Variants in PDZRN3 observed in about 807,000 individuals in gnomAD.
The protein encoded by PDZRN3 is PDZ domain containing ring finger 3.
Under a neutral mutation model 85.7 loss-of-function variants are expected in PDZRN3, and 38 were observed. That is an observed-to-expected ratio of 0.44 (90% CI 0.34 to 0.58). The LOEUF is 0.58. Ranked by LOEUF, PDZRN3 falls within the 20% of genes least tolerant of loss-of-function variation. The probability of loss-of-function intolerance (pLI) is 0.01; values close to 1 mark genes in which losing one functional copy is unlikely to be tolerated. For missense variants in PDZRN3, 1,629 were observed against 1,506.4 expected, an observed-to-expected ratio of 1.08 and a Z score of -1.35; for synonymous variants, 759 against 638.0, an observed-to-expected ratio of 1.19 and a Z score of -2.86.
At chr3:73,452,380 A>T (rs1274990846) in intron 3 of PDZRN3, among the ~76,000 whole-genome samples, 1 of 152,222 alleles carries the variant, frequency 6.6e-6, no homozygotes, top group Non-Finnish European at 1.5e-5. Flanking sequence ...ATTATTTGTT[A>T]TCTTCTCCAA....
chr3:73,520,126 G>A (rs529094753), intron 3 of PDZRN3, among the ~76,000 whole-genome samples: 4 of 152,256 alleles, frequency 2.6e-5, no homozygotes, highest in African/African-American at 9.6e-5. Flanking sequence ...CTGGCACTCT[G>A]CTTAGAGAAG....
At chr3:73,403,447 T>C (rs1181107076) in intron 4 of PDZRN3, among the ~76,000 whole-genome samples, 1 of 152,210 alleles carries the variant, frequency 6.6e-6, no homozygotes, top group Non-Finnish European at 1.5e-5. Context: ...AATCCTTCAA[T>C]GATAAGAGAT....
intron 3 of PDZRN3, among the ~76,000 whole-genome samples, chr3:73,537,330 C>A (rs1260214643): frequency 6.6e-6 from 1 of 152,178 alleles, no homozygotes; most frequent in Non-Finnish European, 1.5e-5. Context: ...CTGTATTTGG[C>A]CCTTGACTTG....
At chr3:73,548,162 G>A (rs900089515) in intron 3 of PDZRN3, among the ~76,000 whole-genome samples, 1 of 152,086 alleles carries the variant, frequency 6.6e-6, no homozygotes, top group Non-Finnish European at 1.5e-5. Context: ...CTTCCTCTAT[G>A]GGGCTTTGAT....
intron 3 of PDZRN3, among the ~76,000 whole-genome samples, chr3:73,568,022 G>A (rs748029029): frequency 3.3e-5 from 5 of 152,232 alleles, no homozygotes; most frequent in Non-Finnish European, 5.9e-5. Context: ...GGGAAAAGCA[G>A]TTTAACCTCC....
intron 3 of PDZRN3, among the ~76,000 whole-genome samples, chr3:73,428,222 G>C (rs1702357143): frequency 6.6e-6 from 1 of 151,984 alleles, no homozygotes; most frequent in Admixed American, 6.6e-5. Context: ...TGAGCAAGTG[G>C]GTGAGCACCT....
At chr3:73,539,633 C>A (rs899088147) in intron 3 of PDZRN3, among the ~76,000 whole-genome samples, 2 of 152,090 alleles carry the variant, frequency 1.3e-5, no homozygotes, top group Non-Finnish European at 2.9e-5. Flanking sequence ...CCAGCACCAA[C>A]TGCAAGATGA....
rs535216256 is a variant in PDZRN3, at chr3:73,555,454, T to C, written c.918+46900A>G. 4.5e-4 allele frequency among the ~76,000 whole-genome samples: 68 copies of C among 152,330 alleles called. No homozygotes were observed. The South Asian group carries it at 0.014, about 31-fold the overall frequency. On this transcript the variant is annotated intron_variant, in intron 3 of 9. Transcript: ENST00000263666. ...AGAGATTCCTGCAGTCCAGGATGTT[T>C]AGAAAGAATCCAACTCTCTGAAGTA...
intron 3 of PDZRN3, among the ~76,000 whole-genome samples, chr3:73,542,142 G>A (rs564324012): frequency 3.8e-4 from 58 of 152,032 alleles, no homozygotes; most frequent in Non-Finnish European, 7.1e-4. Context: ...AACAACCTAA[G>A]GAAAAAAGTA....
At chr3:73,561,533 C>T (rs1211357724) in intron 3 of PDZRN3, 1 of 152,168 alleles carries the variant, frequency 6.6e-6, no homozygotes, top group African/African-American at 2.4e-5. Context: ...TCAGGTGTAT[C>T]CTAAACATTT....
chr3:73,588,061 C>T (rs1376509675), intron 3 of PDZRN3, among the ~76,000 whole-genome samples: 2 of 152,156 alleles, frequency 1.3e-5, no homozygotes, highest in African/African-American at 4.8e-5. Flanking sequence ...CACCTGTTGA[C>T]CTGTCCTCTA....
chr3:73,396,823 A>C (rs1468253704), intron 5 of PDZRN3, among the ~76,000 whole-genome samples: 1 of 152,178 alleles, frequency 6.6e-6, no homozygotes, highest in Non-Finnish European at 1.5e-5. Flanking sequence ...TTCTTTCTTA[A>C]TTGCCTACAG....
intron 3 of PDZRN3, among the ~76,000 whole-genome samples, chr3:73,481,112 T>TG (rs1236729897): frequency 1.3e-5 from 2 of 152,190 alleles, no homozygotes; most frequent in Non-Finnish European, 2.9e-5. Context: ...CAGATACCCG[T>TG]GCTCTCACCT....
chr3:73,383,937 C>T lies in PDZRN3; in HGVS notation c.2629G>A (p.Ala877Thr), dbSNP rs768761108. The change falls in exon 10 of 10, where the codon GCC becomes ACC. Residue 877 changes from alanine to threonine, a missense_variant. Ala to Thr is a moderately conservative substitution (Grantham distance 58, BLOSUM62 0). Transcript: ENST00000263666. ...PYKHAHIPAH[A>T]QHYQSYMQLI... ...TGCATGTAGCTCTGGTAGTGCTGGG[C>T]GTGCGCCGGGATGTGCGCGTGCTTG... 1.9e-6 allele frequency: 3 copies of T among 1,606,420 alleles called. No individual in the cohort carries two copies. Among genetic ancestry groups the T allele is most frequent in the Non-Finnish European group, 1.7e-6 (2 of 1,176,794 alleles).
chr3:73,519,205 G>A (rs994942372), intron 3 of PDZRN3, among the ~76,000 whole-genome samples: 7 of 152,214 alleles, frequency 4.6e-5, no homozygotes, highest in Non-Finnish European at 1.0e-4. Flanking sequence ...GGGTGGGAAA[G>A]AGTGGCTGTG....
intron 3 of PDZRN3, among the ~76,000 whole-genome samples, chr3:73,443,453 T>C (rs1311541510): frequency 1.3e-5 from 2 of 150,636 alleles, no homozygotes; most frequent in South Asian, 2.1e-4. Context: ...CCTCTACTAC[T>C]ATTAACTTGA....
chr3:73,591,774 C>T (rs913200375), intron 3 of PDZRN3, among the ~76,000 whole-genome samples: 8 of 152,184 alleles, frequency 5.3e-5, no homozygotes, highest in African/African-American at 9.7e-5. Flanking sequence ...TCATGAAGCT[C>T]GCAAATGATA....
intron 3 of PDZRN3, among the ~76,000 whole-genome samples, chr3:73,519,055 C>T (rs767183618): frequency 6.6e-6 from 1 of 152,222 alleles, no homozygotes; most frequent in Non-Finnish European, 1.5e-5. Context: ...CTTCCCTCCA[C>T]AGCCACAGCC....
intron 3 of PDZRN3, among the ~76,000 whole-genome samples, chr3:73,551,035 G>T (rs1219790982): frequency 6.6e-6 from 1 of 152,196 alleles, no homozygotes; most frequent in Admixed American, 6.5e-5. Flanking sequence ...GTTTGAAATT[G>T]TAAAAACTGT....
Sources: gnomAD v4.1 joint callset for allele counts (sites outside exome capture counted in the v4.1 genomes callset) on GRCh38, gnomAD v4.1.1 for gene constraint, MANE v1.5 for transcripts, NCBI Gene and HGNC (gene_info 2026-07-23, HGNC 2026-07-21) for gene names.